ADGRL2: variants seen among roughly 807,000 people sequenced by gnomAD.
ADGRL2 encodes the protein calcium-independent alpha-latrotoxin receptor 2.
Under a neutral mutation model 157.4 loss-of-function variants are expected in ADGRL2, and 44 were observed. That is an observed-to-expected ratio of 0.28 (90% CI 0.22 to 0.36). The LOEUF is 0.36. ADGRL2 is among the 10% of genes least tolerant of loss of function. ADGRL2 has a pLI of 1.00. For synonymous variants in ADGRL2, 585 were observed against 624.7 expected, an observed-to-expected ratio of 0.94 and a Z score of 0.95; for missense variants, 1,510 against 1,768.9, an observed-to-expected ratio of 0.85 and a Z score of 2.63.
chr1:81,356,136 T>C (rs1433915956), intron 1 of ADGRL2, among the ~76,000 whole-genome samples: 1 of 152,174 alleles, frequency 6.6e-6, no homozygotes, highest in Non-Finnish European at 1.5e-5. Flanking sequence ...TCTCAAATGT[T>C]ACTCTCACTC....
At chr1:81,898,027 T>C (rs945716475) in intron 2 of ADGRL2, among the ~76,000 whole-genome samples, 3 of 152,188 alleles carry the variant, frequency 2.0e-5, no homozygotes, top group Non-Finnish European at 4.4e-5. Context: ...GCCCATATGC[T>C]TGAGCCTAGA....
At chr1:81,737,152 C>A (rs911836097) in intron 1 of ADGRL2, among the ~76,000 whole-genome samples, 25 of 152,098 alleles carry the variant, frequency 1.6e-4, no homozygotes, top group Admixed American at 2.0e-4. Context: ...CAATCTTAAC[C>A]TCTTACCAGG....
At chr1:81,386,444 A>G (rs4266930) in intron 1 of ADGRL2, among the ~76,000 whole-genome samples, 138,903 of 152,136 alleles carry the variant, frequency 0.91, 63,704 homozygotes, top group East Asian at 0.96. Flanking sequence ...TCCCCTATTT[A>G]TTAGTCACAT....
chr1:81,960,477 T>TC (rs138060751), intron 11 of ADGRL2, among the ~76,000 whole-genome samples: 1 of 152,074 alleles, frequency 6.6e-6, no homozygotes, highest in Non-Finnish European at 1.5e-5. Context: ...CTTTTTTTTT[T>TC]CTTTTTTCTT....
At chr1:81,489,701 G>C (rs1303645791) in intron 2 of ADGRL2, among the ~76,000 whole-genome samples, 1 of 152,184 alleles carries the variant, frequency 6.6e-6, no homozygotes, top group African/African-American at 2.4e-5. Flanking sequence ...AGAGAATCTT[G>C]TAAGCTGCAA....
intron 2 of ADGRL2, among the ~76,000 whole-genome samples, chr1:81,885,026 A>G (rs1557843399): frequency 6.6e-6 from 1 of 152,230 alleles, no homozygotes. Flanking sequence ...AAAATAATTA[A>G]TATAAAGCAA....
At chr1:81,839,193 C>G (rs193019884) in intron 2 of ADGRL2, among the ~76,000 whole-genome samples, 7 of 152,086 alleles carry the variant, frequency 4.6e-5, no homozygotes, top group Admixed American at 4.6e-4. Flanking sequence ...ACATCTTACA[C>G]AGTTTAGTTC....
intron 1 of ADGRL2, among the ~76,000 whole-genome samples, chr1:81,704,384 G>C (rs1028495700): frequency 3.9e-5 from 6 of 152,196 alleles, no homozygotes; most frequent in African/African-American, 1.4e-4. Context: ...GTGGCTGCCA[G>C]TGGACACAGG....
intron 3 of ADGRL2, among the ~76,000 whole-genome samples, chr1:81,671,636 C>T (rs569948801): frequency 1.6e-4 from 25 of 152,214 alleles, no homozygotes; most frequent in Middle Eastern, 3.4e-3. Flanking sequence ...CCTCAGCCTC[C>T]TGAGTAGCTG....
chr1:81,615,466 C>T (rs1443648625), intron 3 of ADGRL2, among the ~76,000 whole-genome samples: 1 of 152,238 alleles, frequency 6.6e-6, no homozygotes, highest in Non-Finnish European at 1.5e-5. Context: ...CCGCGAAGGT[C>T]TGCAACTTCA....
chr1:81,460,474 T>C (rs2077903399), intron 2 of ADGRL2, among the ~76,000 whole-genome samples: 1 of 152,094 alleles, frequency 6.6e-6, no homozygotes, highest in Non-Finnish European at 1.5e-5. Flanking sequence ...GTTAAAAAAA[T>C]TGCATAATTT....
At chr1:81,655,472 A>C (rs2082513207) in intron 3 of ADGRL2, among the ~76,000 whole-genome samples, 2 of 152,308 alleles carry the variant, frequency 1.3e-5, no homozygotes, top group South Asian at 4.1e-4. Context: ...ACAGTCTTTT[A>C]CTGGCTCCAG....
upstream of ADGRL2, among the ~76,000 whole-genome samples, chr1:81,698,555 T>C (rs2083492000): frequency 1.3e-5 from 2 of 152,172 alleles, no homozygotes; most frequent in Admixed American, 1.3e-4. Context: ...TTGGGTAAGA[T>C]ATTGGATGAA....
intron 3 of ADGRL2, among the ~76,000 whole-genome samples, chr1:81,913,601 C>T (rs1017758335): frequency 5.3e-5 from 8 of 152,196 alleles, no homozygotes; most frequent in African/African-American, 1.4e-4. Context: ...GTTAGAGCTA[C>T]GGAGGAGCTT....
In ADGRL2 at chr1:81,971,787, AT is replaced by A. The variant is rs1658829898; in HGVS notation, c.2955-61del. 3 of 857,188 alleles carry A rather than the reference AT, an allele frequency of 3.5e-6. No homozygotes were observed. The East Asian group carries it at 7.4e-5, about 21-fold the overall frequency. The allele number at this position is 857,188 out of a possible 1,614,324, so 53.1% of individuals were successfully genotyped here. ...TTGTCTGTTAGGTTTTTAAAATCCT[AT>A]TTTCCTTGTGATGTTGAGGTTCCAT... On this transcript the variant is annotated intron_variant, in intron 16 of 23. Coordinates refer to ENST00000686636, the MANE Select transcript of ADGRL2 (RefSeq NM_001366006.2).
At chr1:81,671,705 GT>G (rs1232322885) in intron 3 of ADGRL2, among the ~76,000 whole-genome samples, 1 of 152,064 alleles carries the variant, frequency 6.6e-6, no homozygotes, top group East Asian at 1.9e-4. Flanking sequence ...TAGAGACTGG[GT>G]TTCACTGTGT....
Position 81,369,061 on chromosome 1 carries a change from A to C in ADGRL2, c.-302+62552A>C, listed in dbSNP as rs193186871. 2.0e-3 allele frequency among the ~76,000 whole-genome samples: 303 copies of C among 152,254 alleles called. 4 individuals carry two copies. In the East Asian group the frequency reaches 0.029, roughly 14 times the overall value. On this transcript the variant is annotated intron_variant, in intron 1 of 24. Coordinates refer to the ADGRL2 transcript ENST00000370721. ...AAGTGACAAGTGGTTGACCTTCTGA[A>C]TATTCACTTTTGAATAAAGTGAAAA...
intron 19 of ADGRL2, among the ~76,000 whole-genome samples, chr1:81,984,077 A>G (rs1367647142): frequency 6.6e-6 from 1 of 152,028 alleles, no homozygotes; most frequent in Non-Finnish European, 1.5e-5. Flanking sequence ...TAGTCTTGTC[A>G]TTATACAGAG....
At chr1:81,551,910 C>G (rs1179937194) in intron 2 of ADGRL2, among the ~76,000 whole-genome samples, 2 of 152,136 alleles carry the variant, frequency 1.3e-5, no homozygotes, top group Non-Finnish European at 2.9e-5. Flanking sequence ...CCCGGATTAA[C>G]TGAAATGTAT....
Sources: gnomAD v4.1 joint callset for allele counts (sites outside exome capture counted in the v4.1 genomes callset) on GRCh38, gnomAD v4.1.1 for gene constraint, MANE v1.5 for transcripts, NCBI Gene and HGNC (gene_info 2026-07-23, HGNC 2026-07-21) for gene names.